Variants in HMCN2 observed in about 807,000 individuals in gnomAD.
HMCN2 encodes hemicentin-2.
Under a neutral mutation model 377.5 loss-of-function variants are expected in HMCN2, and 325 were observed. The observed-to-expected ratio is 0.86, with a 90% CI of 0.79 to 0.94. HMCN2 has a LOEUF of 0.94. Ranked by LOEUF, HMCN2 falls within the 40% of genes least tolerant of loss-of-function variation. The pLI is 0.00. For missense variants in HMCN2, 4,543 were observed against 4,725.3 expected, an observed-to-expected ratio of 0.96 and a Z score of 1.13; for synonymous variants, 2,007 against 2,046.8, an observed-to-expected ratio of 0.98 and a Z score of 0.53.
chr9:130,424,422 G>A (rs964947580), intron 87 of HMCN2, among the ~76,000 whole-genome samples: 2 of 150,568 alleles, frequency 1.3e-5, no homozygotes, highest in African/African-American at 2.4e-5. Context: ...TCCTGACCTC[G>A]TGATCTGACT....
Position 130,433,390 on chromosome 9 carries a change from C to T in HMCN2, c.14937C>T (p.Gly4979=), listed in dbSNP as rs1274615943. ...RRCSQDCGTG[G]PSTLQYRLLP... The stretch of plus-strand genomic sequence containing the variant: ...GCTCGCAGGACTGCGGCACGGGCGG[C>T]CCCTCTACGCTGCAGTACCGGCTGC... Residue 4979 remains glycine (G), a synonymous_variant, in exon 98 of 98, where the codon GGC becomes GGT. Transcript: ENST00000683500. 2 of 1,485,362 alleles carry T rather than the reference C, an allele frequency of 1.3e-6. No individual in the cohort carries two copies. Among genetic ancestry groups the T allele is most frequent in the African/African-American group, 1.5e-5 (1 of 68,378 alleles). The allele number at this position is 1,485,362 out of a possible 1,614,324, so 92.0% of individuals were successfully genotyped here.
chr9:130,278,235 C>T (rs1834904479), intron 1 of HMCN2, among the ~76,000 whole-genome samples: 1 of 152,176 alleles, frequency 6.6e-6, no homozygotes, highest in Non-Finnish European at 1.5e-5. Context: ...CGCCATTCTC[C>T]TGCCTCAGCC....
intron 22 of HMCN2, among the ~76,000 whole-genome samples, chr9:130,330,726 T>C (rs1838382284): frequency 6.6e-6 from 1 of 152,086 alleles, no homozygotes; most frequent in East Asian, 1.9e-4. Flanking sequence ...TAGGGGCTGT[T>C]CTAAAATTAA....
In HMCN2 at chr9:130,357,878, C is replaced by T. The variant is rs1307100075; in HGVS notation, c.5470C>T (p.Pro1824Ser). 7.7e-7 allele frequency: 1 copy of T among 1,304,162 alleles called. No individual in the cohort carries two copies. The highest frequency in any genetic ancestry group is 1.0e-6 in the Non-Finnish European group (1 of 988,860). The allele number at this position is 1,304,162 out of a possible 1,614,324, so 80.8% of individuals were successfully genotyped here. The change falls in exon 35 of 98, where the codon CCT becomes TCT. Residue 1824 changes from proline (P) to serine (S), a missense_variant. Around this residue, in one of 5 missense-constraint regions of HMCN2, gnomAD observed 1,032 missense variants for 1,285.1 expected, o/e 0.80. Transcript: ENST00000683500. ...SIIGGENITA[P>S]FLQPVTLQCI... ...CATTGGGGGTGAGAACATCACAGCT[C>T]CTTTCCTGCAGCCTGTGACCCTCCA...
intron 1 of HMCN2, among the ~76,000 whole-genome samples, chr9:130,280,192 T>C (rs10819630): frequency 0.78 from 106,808 of 136,618 alleles, 42,193 homozygotes; most frequent in African/African-American, 0.89. Context: ...GACGGAGTCT[T>C]GCTCTGTCAC....
Position 130,405,977 on chromosome 9 carries a change from C to T in HMCN2, c.12362C>T (p.Thr4121Ile). The T allele has an allele frequency of 7.8e-7, 1 of 1,289,414 alleles. No homozygotes were observed. Among genetic ancestry groups the T allele is most frequent in the Non-Finnish European group, 1.0e-6 (1 of 988,706 alleles). 79.9% of individuals were successfully genotyped at this position (1,289,414 alleles called of 1,614,324 possible). A position where few individuals can be genotyped will look rare whatever the true frequency, so the allele number is the denominator to read the frequency against. ...NLEGQDAGTY[T>I]CTAENAVGRA... ...CAGGGCCAGGACGCAGGCACCTATA[C>T]CTGTACCGCTGAGAACGCCGTGGGC... Residue 4121 changes from threonine (T) to isoleucine (I), a missense_variant, in exon 82 of 98, where the codon ACC becomes ATC. Coordinates refer to ENST00000683500, the MANE Select transcript of HMCN2 (RefSeq NM_001291815.2).
At chr9:130,356,334 G>A in intron 34 of HMCN2, 77 bp downstream of exon 34, 3 of 1,207,358 alleles carry the variant, frequency 2.5e-6, no homozygotes, top group Non-Finnish European at 3.2e-6. Context: ...GCTGTGGCAG[G>A]CCTGGAAGGG....
chr9:130,400,587 TA>T, intron 76 of HMCN2, 195 bp from the exon 77 acceptor site: 4 of 233,368 alleles, frequency 1.7e-5, no homozygotes, highest in East Asian at 1.6e-4. Flanking sequence ...CTTTTTTTTT[TA>T]AAGAAAAAAA....
intron 52 of HMCN2, 108 bp downstream of exon 52, chr9:130,376,766 C>A: frequency 7.4e-6 from 4 of 541,394 alleles, no homozygotes; most frequent in South Asian, 8.1e-5. Flanking sequence ...AGCCCTAGAG[C>A]TGGTCCGGGC....
chr9:130,411,195 T>C (rs1352210980), intron 85 of HMCN2, among the ~76,000 whole-genome samples: 1 of 151,522 alleles, frequency 6.6e-6, no homozygotes, highest in East Asian at 1.9e-4. Context: ...ATAATCACTG[T>C]CCTGGATTCT....
At chr9:130,390,420 A>G (rs1334253318) in intron 62 of HMCN2, among the ~76,000 whole-genome samples, 6 of 152,180 alleles carry the variant, frequency 3.9e-5, no homozygotes, top group Non-Finnish European at 8.8e-5. Context: ...GACATGGGGC[A>G]GTTGCTCGTG....
Position 130,374,650 on chromosome 9 carries a change from C to T in HMCN2, c.7587C>T (p.Asn2529=), listed in dbSNP as rs942056218. 5.3e-5 allele frequency: 52 copies of T among 985,830 alleles called. No individual in the cohort carries two copies. The African/African-American group carries it at 6.6e-4, about 13-fold the overall frequency. The allele number at this position is 985,830 out of a possible 1,614,324, so 61.1% of individuals were successfully genotyped here. A position where few individuals can be genotyped will look rare whatever the true frequency, so the allele number is the denominator to read the frequency against. ...GCCACTACTCCTGCATTGCAGCCAACGCTGTTGGGGAGAAGACCAAACACT... is the reference window on the plus strand; with the variant it reads ...GCCACTACTCCTGCATTGCAGCCAATGCTGTTGGGGAGAAGACCAAACACT... ...SAGHYSCIAA[N]AVGEKTKHFQ... Residue 2529 remains asparagine (N), a synonymous_variant, in exon 49 of 98, where the codon AAC becomes AAT. Coordinates refer to ENST00000683500, the MANE Select transcript of HMCN2 (RefSeq NM_001291815.2).
chr9:130,339,496 G>A (rs934143953), intron 23 of HMCN2, among the ~76,000 whole-genome samples: 7 of 152,338 alleles, frequency 4.6e-5, no homozygotes, highest in African/African-American at 1.7e-4. Flanking sequence ...GGAACAGGGA[G>A]GCAGTGTAAT....
chr9:130,395,447 C>T (rs747770630), intron 71 of HMCN2, 100 bp downstream of exon 71: 31 of 1,050,442 alleles, frequency 3.0e-5, no homozygotes, highest in African/African-American at 6.7e-5. Flanking sequence ...GCCAAGGGCC[C>T]GCTCTGAGCT....
At position 130,380,237 on chromosome 9, in the gene HMCN2, A is replaced by G. The variant is rs114964682; in HGVS notation, c.8431+770A>G. ...GTATTTGTTTATTTAAGGTAATTTAATTTTTTTAAGTAAACCTTTTATTTT... is the reference window on the plus strand; with the variant it reads ...GTATTTGTTTATTTAAGGTAATTTAGTTTTTTTAAGTAAACCTTTTATTTT... On this transcript the variant is annotated intron_variant, in intron 54 of 97. Transcript: ENST00000683500. Among the ~76,000 whole-genome samples, 619 of 152,226 alleles carry G rather than the reference A, an allele frequency of 4.1e-3. 5 individuals carry two copies. The highest frequency in any genetic ancestry group is 0.014 in the African/African-American group (588 of 41,542).
chr9:130,326,362 C>T (rs1382389087), intron 21 of HMCN2, among the ~76,000 whole-genome samples: 4 of 152,130 alleles, frequency 2.6e-5, no homozygotes, highest in East Asian at 1.9e-4. Flanking sequence ...GCACCCGTCA[C>T]AGCTATGATT....
At position 130,418,918 on chromosome 9, in the gene HMCN2, CG is replaced by C; in HGVS notation, c.13110del (p.Thr4371ProfsTer39). 1 of 1,548,250 alleles carries C rather than the reference CG, an allele frequency of 6.5e-7. No individual in the cohort carries two copies. The highest frequency in any genetic ancestry group is 8.7e-7 in the Non-Finnish European group (1 of 1,145,568). On this transcript the variant is annotated frameshift_variant, in exon 86 of 98. Transcript: ENST00000683500. LOFTEE classifies it high-confidence loss of function. ...GQPLRASRRL[R>X]TLPDGSLWLE... is the part of the protein sequence containing the mutation. Reference sequence around the variant, plus strand: ...ACCCTTGCGGGCCAGCCGGCGGCTCCGGACCCTGCCCGATGGGAGCCTGTGG... The same window carrying C: ...ACCCTTGCGGGCCAGCCGGCGGCTCCGACCCTGCCCGATGGGAGCCTGTGG...
chr9:130,316,056 G>C (rs921347690), intron 15 of HMCN2, among the ~76,000 whole-genome samples: 2 of 152,186 alleles, frequency 1.3e-5, no homozygotes, highest in African/African-American at 4.8e-5. Context: ...CCTGTGCCCT[G>C]GGAAGTCCCC....
intron 77 of HMCN2, among the ~76,000 whole-genome samples, chr9:130,401,439 T>G (rs1422718311): frequency 6.6e-6 from 1 of 152,150 alleles, no homozygotes; most frequent in Admixed American, 6.5e-5. Context: ...TTCTCCTGGC[T>G]CAGCTTCCCA....
Sources: gnomAD v4.1 joint callset for allele counts (sites outside exome capture counted in the v4.1 genomes callset) on GRCh38, gnomAD v4.1.1 for gene constraint, gnomAD v4.1.1 regional missense constraint, MANE v1.5 for transcripts, NCBI Gene and HGNC (gene_info 2026-07-23, HGNC 2026-07-21) for gene names.